The following ADK variants were observed in gnomAD, a reference collection of about 807,000 sequenced individuals.
The protein encoded by ADK is N6,N6-dimethyladenosine kinase.
Under a neutral mutation model 44.7 loss-of-function variants are expected in ADK, and 24 were observed. The ratio of observed to expected loss-of-function variants is 0.54; its 90% confidence interval spans 0.39 to 0.76. ADK has a LOEUF of 0.76. Among genes scored for constraint, ADK ranks in the 30% least tolerant of loss-of-function variants. ADK has a pLI of 0.00. For synonymous variants in ADK, 128 were observed against 142.6 expected (o/e 0.90, Z 0.73); for missense variants, 321 against 425.1 (o/e 0.76, Z 2.15).
chr10:74,354,271 G>A (rs536440794), intron 4 of ADK, among the ~76,000 whole-genome samples: 1 of 152,234 alleles, frequency 6.6e-6, no homozygotes, highest in African/African-American at 2.4e-5. Flanking sequence ...ATGCTGCCCT[G>A]ATAAGAATCA....
At chr10:74,633,973 A>T (rs935112307) in intron 9 of ADK, among the ~76,000 whole-genome samples, 1 of 152,224 alleles carries the variant, frequency 6.6e-6, no homozygotes, top group South Asian at 2.1e-4. Context: ...TAAATTCTAC[A>T]TACAGACCTT....
intron 6 of ADK, among the ~76,000 whole-genome samples, chr10:74,471,349 C>G (rs1372009373): frequency 2.0e-5 from 3 of 152,198 alleles, no homozygotes; most frequent in African/African-American, 7.2e-5. Context: ...TCTGGGATTA[C>G]AGGCTTGAGC....
intron 4 of ADK, among the ~76,000 whole-genome samples, chr10:74,380,980 A>C: frequency 6.6e-6 from 1 of 152,146 alleles, no homozygotes; most frequent in Non-Finnish European, 1.5e-5. Flanking sequence ...GTGTGAGTTC[A>C]AGTTTACTAC....
chr10:74,380,530 G>A (rs2132002736), intron 4 of ADK, among the ~76,000 whole-genome samples: 1 of 152,144 alleles, frequency 6.6e-6, no homozygotes, highest in Non-Finnish European at 1.5e-5. Flanking sequence ...AGGCTGAGAC[G>A]GGCGGATCAC....
At chr10:74,706,857 T>C (rs912256750) in intron 10 of ADK, among the ~76,000 whole-genome samples, 1 of 152,192 alleles carries the variant, frequency 6.6e-6, no homozygotes, top group Non-Finnish European at 1.5e-5. Flanking sequence ...TTGAATCTTC[T>C]GACCTTTGAA....
intron 7 of ADK, among the ~76,000 whole-genome samples, chr10:74,526,322 A>G (rs2133628329): frequency 6.6e-6 from 1 of 152,266 alleles, no homozygotes; most frequent in East Asian, 1.9e-4. Context: ...ATGCTTATTT[A>G]CTTAAATGCT....
chr10:74,285,956 A>T lies in ADK; in HGVS notation c.195-28711A>T, dbSNP rs111882310. Among the ~76,000 whole-genome samples the T allele has an allele frequency of 5.2e-3, 797 of 152,258 alleles. 11 individuals carry two copies. Among genetic ancestry groups the T allele is most frequent in the African/African-American group, 0.017 (723 of 41,538 alleles). ...TTATTTCAGATTGACATATACCCTT[A>T]AATATTCTTAAGATCATATCCTTAA... is the stretch of plus-strand genomic sequence containing the variant. On this transcript the variant is annotated intron_variant, in intron 3 of 10. Coordinates refer to ENST00000539909, the MANE Select transcript of ADK (RefSeq NM_006721.4).
chr10:74,397,306 T>C (rs1164155875), intron 5 of ADK, among the ~76,000 whole-genome samples: 3 of 151,876 alleles, frequency 2.0e-5, no homozygotes, highest in Non-Finnish European at 4.4e-5. Flanking sequence ...AATTGAGGTT[T>C]TTTTTTTTAA....
chr10:74,602,038 G>A (rs1443778256), intron 9 of ADK, among the ~76,000 whole-genome samples: 2 of 146,378 alleles, frequency 1.4e-5, no homozygotes, highest in East Asian at 2.0e-4. Context: ...CCAGAAGTTC[G>A]AGGCTGTGTT....
intron 2 of ADK, among the ~76,000 whole-genome samples, chr10:74,213,694 A>G (rs773166411): frequency 1.3e-5 from 2 of 152,226 alleles, no homozygotes; most frequent in Non-Finnish European, 2.9e-5. Context: ...TACCTGATGC[A>G]ACAGAGATAT....
intron 6 of ADK, among the ~76,000 whole-genome samples, chr10:74,413,418 C>T (rs1220916266): frequency 6.6e-6 from 1 of 152,198 alleles, no homozygotes; most frequent in Non-Finnish European, 1.5e-5. Flanking sequence ...AACTCTTCAG[C>T]ACCTGCTATT....
chr10:74,558,413 C>T (rs1408008052), intron 7 of ADK, among the ~76,000 whole-genome samples: 1 of 152,096 alleles, frequency 6.6e-6, no homozygotes, highest in Non-Finnish European at 1.5e-5. Context: ...AAGGACCTGG[C>T]GAGAGGTGCT....
At chr10:74,530,333 A>G (rs1219410977) in intron 7 of ADK, among the ~76,000 whole-genome samples, 1 of 152,168 alleles carries the variant, frequency 6.6e-6, no homozygotes, top group African/African-American at 2.4e-5. Context: ...TCCCCCCTCA[A>G]AAAAATAAAG....
chr10:74,529,732 G>T (rs752593111), intron 7 of ADK, among the ~76,000 whole-genome samples: 1 of 152,066 alleles, frequency 6.6e-6, no homozygotes, highest in Non-Finnish European at 1.5e-5. Flanking sequence ...TTCGCTTCAA[G>T]AGGTATTTAT....
At chr10:74,307,668 G>A (rs149313009) in intron 3 of ADK, among the ~76,000 whole-genome samples, 9 of 152,270 alleles carry the variant, frequency 5.9e-5, no homozygotes, top group Non-Finnish European at 1.0e-4. Flanking sequence ...TTTGAAGTTT[G>A]CTAGAGAGAA....
At chr10:74,341,487 A>G (rs1312267457) in intron 4 of ADK, among the ~76,000 whole-genome samples, 2 of 150,826 alleles carry the variant, frequency 1.3e-5, no homozygotes, top group Admixed American at 6.6e-5. Flanking sequence ...AGATCCTGCC[A>G]CTGCACTGCA....
chr10:74,589,357 G>A (rs769650822), intron 8 of ADK, 40 bp downstream of exon 8: 1 of 1,604,984 alleles, frequency 6.2e-7, no homozygotes, highest in Non-Finnish European at 8.5e-7. Context: ...AGATCCTAAA[G>A]GTTTTTTCTA....
intron 7 of ADK, among the ~76,000 whole-genome samples, chr10:74,537,655 A>G (rs1383067816): frequency 6.6e-6 from 1 of 152,194 alleles, no homozygotes; most frequent in Non-Finnish European, 1.5e-5. Flanking sequence ...TCAAGGCTCC[A>G]TAATCACTAG....
intron 6 of ADK, among the ~76,000 whole-genome samples, chr10:74,478,244 G>A (rs186033305): frequency 7.1e-4 from 108 of 152,254 alleles, no homozygotes; most frequent in Middle Eastern, 3.4e-3. Context: ...TCTAGAGACA[G>A]TGTTTCATTA....
Sources: allele counts gnomAD v4.1 joint callset (sites outside exome capture counted in the v4.1 genomes callset), GRCh38; gene constraint gnomAD v4.1.1; transcripts MANE v1.5; gene names NCBI Gene and HGNC (gene_info 2026-07-23, HGNC 2026-07-21).